DMD: variants seen among roughly 807,000 people sequenced by gnomAD.
DMD encodes dystrophin.
A neutral mutation model predicts 330.1 loss-of-function variants in DMD; 63 were observed. The ratio of observed to expected loss-of-function variants is 0.19; its 90% CI spans 0.16 to 0.24. The LOEUF (loss-of-function observed/expected upper bound fraction) is 0.24. Ranked by LOEUF, DMD falls within the 10% of genes least tolerant of loss-of-function variation. The pLI, the probability that DMD is intolerant of heterozygous loss-of-function variation, is 1.00. For missense variants in DMD, 3,344 were observed against 2,684.1 expected, an observed-to-expected ratio of 1.25 and a Z score of -5.43; for synonymous variants, 1,223 against 959.8, an observed-to-expected ratio of 1.27 and a Z score of -5.07.
intron 11 of DMD, among the ~76,000 whole-genome samples, chrX:32,630,237 C>T (rs1188232802): frequency 9.0e-6 from 1 of 111,418 alleles, no homozygotes; most frequent in Non-Finnish European, 1.9e-5. Context: ...TCCTTCAGCA[C>T]TTTAAATGTA....
intron 13 of DMD, among the ~76,000 whole-genome samples, chrX:32,585,721 AAAAAAAAAAG>A (rs1371647308): frequency 3.8e-5 from 4 of 103,976 alleles, no homozygotes; most frequent in African/African-American, 6.8e-5. Flanking sequence ...AAAAAAAAAA[AAAAAAAAAAG>A]AATATTATTG....
chrX:32,124,604 T>C (rs1405824490), intron 44 of DMD, among the ~76,000 whole-genome samples: 1 of 112,338 alleles, frequency 8.9e-6, no homozygotes, highest in Admixed American at 9.5e-5. Context: ...ATTTGTTGTG[T>C]ACAATTACTG....
chrX:32,803,175 T>A (rs1182518815), intron 7 of DMD, among the ~76,000 whole-genome samples: 2 of 111,913 alleles, frequency 1.8e-5, no homozygotes, highest in Non-Finnish European at 3.8e-5. Flanking sequence ...GGGATTTGAC[T>A]TCTTCCTGGT....
Position 32,861,511 on chromosome X carries a change from G to A in DMD, c.94-11691C>T, listed in dbSNP as rs192566363. On this transcript the variant is annotated intron_variant, in intron 2 of 78. Transcript: ENST00000357033. ...GGTAATCTGAGAAGAGTTTAATAAGGGACTGTTTATAAAAATGAGGGAAGG... is the reference window on the plus strand; with the variant it reads ...GGTAATCTGAGAAGAGTTTAATAAGAGACTGTTTATAAAAATGAGGGAAGG... Among the ~76,000 whole-genome samples the A allele has an allele frequency of 1.9e-3, 207 of 111,495 alleles. 1 individual carries two copies. The highest frequency in any genetic ancestry group is 6.6e-3 in the African/African-American group (201 of 30,649).
intron 55 of DMD, among the ~76,000 whole-genome samples, chrX:31,595,395 T>C (rs943207477): frequency 9.0e-6 from 1 of 111,150 alleles, no homozygotes; most frequent in Admixed American, 9.6e-5. Flanking sequence ...ACACCCTTGA[T>C]TCCATCCTAA....
At chrX:31,147,135 T>G in intron 75 of DMD, 140 bp downstream of exon 75, 1 of 798,890 alleles carries the variant, frequency 1.3e-6, no homozygotes, top group South Asian at 2.2e-5. Flanking sequence ...ACTTCTATCC[T>G]TTGATACTAT....
intron 62 of DMD, among the ~76,000 whole-genome samples, chrX:31,263,201 G>A (rs2050697341): frequency 8.9e-6 from 1 of 112,299 alleles, no homozygotes; most frequent in Non-Finnish European, 1.9e-5. Context: ...GACAGAGACA[G>A]GGAACCACGG....
chrX:32,451,608 G>A (rs1178949943), intron 26 of DMD, among the ~76,000 whole-genome samples: 1 of 86,011 alleles, frequency 1.2e-5, no homozygotes, highest in Admixed American at 1.3e-4. Flanking sequence ...TCCATTTTCA[G>A]GTAAAACACA....
At chrX:32,132,993 C>CTTTTCTTTTTTTTTTTT (rs2096705124) in intron 44 of DMD, among the ~76,000 whole-genome samples, 6 of 75,977 alleles carry the variant, frequency 7.9e-5, no homozygotes, top group African/African-American at 4.1e-4. Context: ...CTTTTCTTTT[C>CTTTTCTTTTTTTTTTTT]TTTTTTTTTT....
chrX:33,139,856 C>T (rs1375199306), intron 1 of DMD, among the ~76,000 whole-genome samples: 1 of 87,317 alleles, frequency 1.1e-5, no homozygotes, highest in Non-Finnish European at 2.1e-5. Context: ...TTGACTAATA[C>T]AGCCCCATCG....
chrX:31,360,812 TATC>T (rs1332061202), intron 60 of DMD, among the ~76,000 whole-genome samples: 60 of 112,308 alleles, frequency 5.3e-4, no homozygotes, highest in African/African-American at 1.9e-3. Flanking sequence ...AAGCCCCTCT[TATC>T]ATTCATTCTC....
At chrX:31,472,393 T>A (rs1437777590) in intron 59 of DMD, among the ~76,000 whole-genome samples, 1 of 112,027 alleles carries the variant, frequency 8.9e-6, no homozygotes, top group Non-Finnish European at 1.9e-5. Context: ...CATAACAAAA[T>A]TAATACAATA....
At chrX:31,911,569 G>A (rs1337343714) in intron 47 of DMD, among the ~76,000 whole-genome samples, 1 of 110,118 alleles carries the variant, frequency 9.1e-6, no homozygotes, top group African/African-American at 3.3e-5. Context: ...CTATGGAAAT[G>A]ATGTTAGACA....
intron 27 of DMD, 38 bp downstream of exon 27, chrX:32,448,418 T>G: frequency 8.4e-7 from 1 of 1,189,195 alleles, no homozygotes; most frequent in Non-Finnish European, 1.1e-6. Flanking sequence ...GACCATGTAT[T>G]GACATATCAT....
chrX:32,279,865 C>A (rs1317296856), intron 43 of DMD, among the ~76,000 whole-genome samples: 13 of 106,996 alleles, frequency 1.2e-4, no homozygotes, highest in Non-Finnish European at 1.7e-4. Context: ...AGGGGATGAA[C>A]ATCCCATTTT....
chrX:31,785,021 T>C (rs1018499670), intron 50 of DMD, among the ~76,000 whole-genome samples: 6 of 111,685 alleles, frequency 5.4e-5, no homozygotes, highest in East Asian at 2.8e-4. Context: ...TAGCCAAAAA[T>C]TGAAGTAACT....
chrX:32,075,812 G>T (rs1194815426), intron 44 of DMD, among the ~76,000 whole-genome samples: 4 of 109,241 alleles, frequency 3.7e-5, no homozygotes, highest in African/African-American at 1.3e-4. Flanking sequence ...ACTTTGGGAG[G>T]CCGAGTAGGG....
intron 45 of DMD, among the ~76,000 whole-genome samples, chrX:31,937,625 T>C (rs1258521592): frequency 2.7e-5 from 3 of 112,040 alleles, no homozygotes; most frequent in Non-Finnish European, 5.7e-5. Context: ...TTTGAAGTTT[T>C]AAAAGCTGCA....
At chrX:32,366,514 T>A (rs1276600767) in intron 34 of DMD, among the ~76,000 whole-genome samples, 1 of 112,148 alleles carries the variant, frequency 8.9e-6, no homozygotes, top group Non-Finnish European at 1.9e-5. Flanking sequence ...AAAGTCCAGA[T>A]ACAAATAATC....
Sources: allele counts gnomAD v4.1 joint callset (sites outside exome capture counted in the v4.1 genomes callset), GRCh38; gene constraint gnomAD v4.1.1; transcripts MANE v1.5; gene names NCBI Gene and HGNC (gene_info 2026-07-23, HGNC 2026-07-21).